The following GRIK2 variants were observed in gnomAD, a reference collection of about 807,000 sequenced individuals.
The protein encoded by GRIK2 is glutamate ionotropic receptor kainate type subunit 2.
Under a neutral mutation model 100.3 loss-of-function variants are expected in GRIK2, and 32 were observed. The ratio of observed to expected loss-of-function variants is 0.32; its 90% CI spans 0.24 to 0.43. The LOEUF is 0.43. GRIK2 is among the 20% of genes least tolerant of loss of function. The probability of loss-of-function intolerance (pLI) is 1.00; values close to 1 mark genes in which losing one functional copy is unlikely to be tolerated. For missense variants in GRIK2, 843 were observed against 1,114.9 expected (o/e 0.76, Z 3.47); for synonymous variants, 417 against 389.4 (o/e 1.07, Z -0.83).
At chr6:101,771,744 C>T (rs984206371) in intron 7 of GRIK2, among the ~76,000 whole-genome samples, 2 of 142,140 alleles carry the variant, frequency 1.4e-5, no homozygotes, top group Non-Finnish European at 3.0e-5. Flanking sequence ...CATGTGTTCT[C>T]ATTGTTCAAT....
chr6:101,825,938 G>A (rs1782295699), intron 10 of GRIK2, among the ~76,000 whole-genome samples: 2 of 151,910 alleles, frequency 1.3e-5, no homozygotes, highest in South Asian at 2.1e-4. Context: ...TTACTTACTG[G>A]ACATATATCC....
At chr6:101,678,634 A>T (rs901882131) in intron 5 of GRIK2, among the ~76,000 whole-genome samples, 11 of 152,184 alleles carry the variant, frequency 7.2e-5, no homozygotes, top group African/African-American at 2.7e-4. Context: ...AGTGCATTTA[A>T]TAGGGTCCTA....
intron 10 of GRIK2, among the ~76,000 whole-genome samples, chr6:101,834,026 A>T (rs1025721546): frequency 1.3e-5 from 2 of 152,084 alleles, no homozygotes; most frequent in African/African-American, 2.4e-5. Flanking sequence ...GAAATGCTTC[A>T]GTAGCTTTCA....
chr6:101,432,908 C>T (rs1349114851), intron 2 of GRIK2, among the ~76,000 whole-genome samples: 3 of 151,734 alleles, frequency 2.0e-5, no homozygotes, highest in Admixed American at 2.0e-4. Context: ...ACATATAAAA[C>T]AGAGGAAGAA....
chr6:101,861,364 G>A (rs1257397451), intron 11 of GRIK2, among the ~76,000 whole-genome samples: 1 of 152,098 alleles, frequency 6.6e-6, no homozygotes, highest in Non-Finnish European at 1.5e-5. Flanking sequence ...AGGGACTATA[G>A]CACTATAATT....
At chr6:101,762,754 G>T (rs115007508) in intron 7 of GRIK2, among the ~76,000 whole-genome samples, 10 of 152,138 alleles carry the variant, frequency 6.6e-5, no homozygotes, top group African/African-American at 2.4e-4. Context: ...GCTAATTACA[G>T]CTTTCTTGTC....
intron 2 of GRIK2, among the ~76,000 whole-genome samples, chr6:101,584,485 G>A (rs1203243719): frequency 6.6e-6 from 1 of 151,894 alleles, no homozygotes; most frequent in Non-Finnish European, 1.5e-5. Flanking sequence ...TATTTCCTTA[G>A]CATTAGGAGA....
chr6:101,966,594 A>G (rs1792689408), intron 14 of GRIK2, among the ~76,000 whole-genome samples: 1 of 152,178 alleles, frequency 6.6e-6, no homozygotes, highest in Admixed American at 6.6e-5. Flanking sequence ...CACATAATGC[A>G]ATCAATGGCC....
At chr6:101,585,058 A>G (rs1205994875) in intron 2 of GRIK2, among the ~76,000 whole-genome samples, 1 of 151,974 alleles carries the variant, frequency 6.6e-6, no homozygotes, top group Non-Finnish European at 1.5e-5. Flanking sequence ...TCCAACTCAA[A>G]TACTTATTTC....
At chr6:101,796,366 C>A (rs191566167) in intron 7 of GRIK2, among the ~76,000 whole-genome samples, 16 of 152,250 alleles carry the variant, frequency 1.1e-4, no homozygotes, top group Non-Finnish European at 2.4e-4. Flanking sequence ...AGAGAAGGCA[C>A]ATTTTTGTGA....
chr6:101,512,794 T>G (rs1180685324), intron 2 of GRIK2, among the ~76,000 whole-genome samples: 1 of 152,098 alleles, frequency 6.6e-6, no homozygotes, highest in Admixed American at 6.6e-5. Context: ...AGAATCATTA[T>G]ATTTTAAATG....
intron 2 of GRIK2, among the ~76,000 whole-genome samples, chr6:101,554,505 A>T (rs1472065586): frequency 3.3e-5 from 5 of 152,182 alleles, no homozygotes; most frequent in Admixed American, 3.3e-4. Context: ...ATATAAAGAA[A>T]TAAAAAAATC....
At chr6:101,395,297 A>G (rs1389463975) in intron 1 of GRIK2, among the ~76,000 whole-genome samples, 1 of 152,122 alleles carries the variant, frequency 6.6e-6, no homozygotes, top group East Asian at 1.9e-4. Flanking sequence ...AGGTGTTACT[A>G]TAAGATGAGG....
intron 2 of GRIK2, among the ~76,000 whole-genome samples, chr6:101,578,459 C>G (rs1188548453): frequency 6.6e-6 from 1 of 152,168 alleles, no homozygotes; most frequent in Admixed American, 6.6e-5. Context: ...CGGAAAGCAA[C>G]CAGCTTAGAT....
In GRIK2 at chr6:101,774,771, T is replaced by C. The variant is rs144016555; in HGVS notation, c.952-24877T>C. 5.6e-3 allele frequency among the ~76,000 whole-genome samples: 848 copies of C among 152,270 alleles called. 11 individuals carry two copies. The highest frequency in any genetic ancestry group is 0.019 in the African/African-American group (809 of 41,578). ...AAAATTATCTAAACATCTTGGACTT[T>C]TTGTATAAACGTTTAAAGGAGTTTA... On this transcript the variant is annotated intron_variant, in intron 7 of 16. Coordinates refer to ENST00000369134, the MANE Select transcript of GRIK2 (RefSeq NM_021956.5).
At chr6:101,738,099 G>A (rs1189011748) in intron 7 of GRIK2, among the ~76,000 whole-genome samples, 1 of 151,532 alleles carries the variant, frequency 6.6e-6, no homozygotes, top group African/African-American at 2.4e-5. Flanking sequence ...ACCATTGTGA[G>A]GAATAATTAG....
chr6:101,712,673 A>G (rs1288102942), intron 7 of GRIK2, among the ~76,000 whole-genome samples: 2 of 151,856 alleles, frequency 1.3e-5, no homozygotes, highest in Admixed American at 6.6e-5. Flanking sequence ...AGAAGATATC[A>G]GAGCTGAATT....
At chr6:101,996,276 G>T (rs530673056) in intron 14 of GRIK2, among the ~76,000 whole-genome samples, 1 of 152,050 alleles carries the variant, frequency 6.6e-6, no homozygotes, top group African/African-American at 2.4e-5. Flanking sequence ...TATTACATTA[G>T]ATTTTCTATC....
At chr6:101,524,840 T>C (rs1775069806) in intron 2 of GRIK2, among the ~76,000 whole-genome samples, 1 of 151,724 alleles carries the variant, frequency 6.6e-6, no homozygotes, top group African/African-American at 2.4e-5. Context: ...CAAACGATTC[T>C]CCAACCTCAG....
Sources: allele counts gnomAD v4.1 joint callset (sites outside exome capture counted in the v4.1 genomes callset), GRCh38; gene constraint gnomAD v4.1.1; transcripts MANE v1.5; gene names NCBI Gene and HGNC (gene_info 2026-07-23, HGNC 2026-07-21).